The following DPP10 variants were observed in gnomAD, a reference collection of about 807,000 sequenced individuals.
DPP10 encodes the protein dipeptidyl peptidase like 10, also known as inactive dipeptidyl peptidase 10.
Under a neutral mutation model 120.9 loss-of-function variants are expected in DPP10, and 33 were observed. That is an observed-to-expected ratio of 0.27 (90% confidence interval 0.21 to 0.37). The LOEUF is 0.37. Ranked by LOEUF, DPP10 falls within the 10% of genes least tolerant of loss-of-function variation. DPP10 has a pLI of 1.00. For synonymous variants in DPP10, 337 were observed against 326.1 expected (o/e 1.03, Z -0.36); for missense variants, 816 against 942.8 (o/e 0.87, Z 1.76).
rs890388036 is a variant in DPP10, at chr2:114,973,361, T to C, written c.61-335878T>C. Among the ~76,000 whole-genome samples the C allele has an allele frequency of 5.3e-5, 8 of 151,184 alleles. No homozygotes were observed. In the East Asian group the frequency reaches 1.6e-3, roughly 29 times the overall value. ...TATTTTAGTGTGTACTCCTACTTAT[T>C]AAAAAAAAGTTAACTGTAGGCCGGG... On this transcript the variant is annotated intron_variant, in intron 1 of 25. Transcript: ENST00000410059.
intron 1 of DPP10, among the ~76,000 whole-genome samples, chr2:115,209,893 ATATCT>A (rs1341627762): frequency 3.3e-5 from 5 of 152,250 alleles, no homozygotes; most frequent in East Asian, 1.9e-4. Context: ...CATTTCTATA[ATATCT>A]TAAGTAGGCC....
intron 2 of DPP10, 27 bp downstream of exon 2, chr2:115,309,380 G>A: frequency 6.3e-7 from 1 of 1,595,220 alleles, no homozygotes; most frequent in Non-Finnish European, 8.6e-7. Flanking sequence ...CCTCTCTTAT[G>A]ATGGATGGTA....
chr2:115,407,881 GTA>G (rs2068643206), intron 3 of DPP10, among the ~76,000 whole-genome samples: 2 of 149,552 alleles, frequency 1.3e-5, no homozygotes, highest in African/African-American at 4.9e-5. Context: ...GAAAAAAAAA[GTA>G]GTCATTTTTT....
intron 1 of DPP10, among the ~76,000 whole-genome samples, chr2:115,190,308 G>A (rs78608152): frequency 0.014 from 2,088 of 151,948 alleles, 51 homozygotes; most frequent in African/African-American, 0.049. Context: ...GTAAACATGG[G>A]GGTCAAAGGA....
intron 1 of DPP10, among the ~76,000 whole-genome samples, chr2:114,817,432 C>T (rs1376337370): frequency 1.3e-5 from 2 of 152,128 alleles, no homozygotes; most frequent in African/African-American, 4.8e-5. Flanking sequence ...ACCCTGGGTC[C>T]AGCAACAGTT....
At chr2:115,010,240 T>C (rs1178562112) in intron 1 of DPP10, among the ~76,000 whole-genome samples, 1 of 152,166 alleles carries the variant, frequency 6.6e-6, no homozygotes, top group African/African-American at 2.4e-5. Context: ...TTCCTGCTGG[T>C]GGATAATAAC....
At chr2:114,643,933 ATAT>A (rs1227478191) in intron 1 of DPP10, among the ~76,000 whole-genome samples, 3 of 133,836 alleles carry the variant, frequency 2.2e-5, no homozygotes, top group African/African-American at 9.0e-5. Context: ...ATATATATAT[ATAT>A]TTTTTTTTTT....
intron 1 of DPP10, among the ~76,000 whole-genome samples, chr2:114,580,024 C>T (rs906629221): frequency 3.3e-5 from 5 of 152,128 alleles, no homozygotes; most frequent in Non-Finnish European, 5.9e-5. Flanking sequence ...AAATTCCTTC[C>T]CTTGTAGGTC....
chr2:115,633,759 C>A (rs2086090290), intron 5 of DPP10, among the ~76,000 whole-genome samples: 1 of 151,960 alleles, frequency 6.6e-6, no homozygotes, highest in African/African-American at 2.4e-5. Context: ...GATTATGTGT[C>A]TTGGGGTTGA....
At position 115,676,909 on chromosome 2, in the gene DPP10, G is replaced by C. The variant is rs563812530; in HGVS notation, c.442-12778G>C. 5.6e-4 allele frequency among the ~76,000 whole-genome samples: 86 copies of C among 152,250 alleles called. 1 individual carries two copies. Among genetic ancestry groups the C allele is most frequent in the African/African-American group, 2.0e-3 (83 of 41,564 alleles). On this transcript the variant is annotated intron_variant, in intron 5 of 25. Coordinates refer to ENST00000410059, the MANE Select transcript of DPP10 (RefSeq NM_020868.6). ...CAATAAATAACTATCACAAGATAAA[G>C]AGAGACTTCTAAAAACAGCAAGAGG...
intron 1 of DPP10, among the ~76,000 whole-genome samples, chr2:114,989,985 T>C (rs1282176426): frequency 6.6e-6 from 1 of 152,204 alleles, no homozygotes; most frequent in East Asian, 1.9e-4. Context: ...TTTCCTTAAC[T>C]TGCCATATAT....
chr2:114,934,289 G>A (rs1574515527), intron 1 of DPP10, among the ~76,000 whole-genome samples: 1 of 152,132 alleles, frequency 6.6e-6, no homozygotes, highest in African/African-American at 2.4e-5. Flanking sequence ...TTGACTGGAA[G>A]CCTTACCAAT....
intron 1 of DPP10, among the ~76,000 whole-genome samples, chr2:115,100,625 G>C (rs949626939): frequency 2.0e-4 from 30 of 152,132 alleles, no homozygotes; most frequent in African/African-American, 6.7e-4. Context: ...TGGCAGCTTA[G>C]GTATCCAAAG....
intron 13 of DPP10, among the ~76,000 whole-genome samples, chr2:115,772,175 C>T (rs2149827493): frequency 6.6e-6 from 1 of 152,172 alleles, no homozygotes; most frequent in East Asian, 1.9e-4. Flanking sequence ...TAAATGCACA[C>T]TTTTCCCACA....
chr2:115,111,748 A>C (rs1490174425), intron 1 of DPP10, among the ~76,000 whole-genome samples: 6 of 152,180 alleles, frequency 3.9e-5, no homozygotes, highest in Non-Finnish European at 8.8e-5. Flanking sequence ...ATGTAATAGG[A>C]TCCATCCAGA....
chr2:115,454,260 C>T (rs897279778), intron 3 of DPP10, among the ~76,000 whole-genome samples: 1 of 151,460 alleles, frequency 6.6e-6, no homozygotes, highest in Non-Finnish European at 1.5e-5. Flanking sequence ...CACAAGGAAA[C>T]ACAACCAAAC....
chr2:115,684,472 A>G (rs967517965), intron 5 of DPP10, among the ~76,000 whole-genome samples: 2 of 151,928 alleles, frequency 1.3e-5, no homozygotes, highest in African/African-American at 4.8e-5. Context: ...CTTTCCTCTT[A>G]CCGGCATTTT....
At chr2:115,433,279 G>A (rs1355020559) in intron 3 of DPP10, among the ~76,000 whole-genome samples, 1 of 151,904 alleles carries the variant, frequency 6.6e-6, no homozygotes, top group Non-Finnish European at 1.5e-5. Context: ...TCAATATTAT[G>A]GATTGTGATT....
At chr2:115,383,375 C>T (rs2066574689) in intron 3 of DPP10, among the ~76,000 whole-genome samples, 1 of 152,222 alleles carries the variant, frequency 6.6e-6, no homozygotes, top group Non-Finnish European at 1.5e-5. Flanking sequence ...CTTTCACTTT[C>T]TGCCATGATT....
Sources: allele counts gnomAD v4.1 joint callset (sites outside exome capture counted in the v4.1 genomes callset), GRCh38; gene constraint gnomAD v4.1.1; transcripts MANE v1.5; gene names NCBI Gene and HGNC (gene_info 2026-07-23, HGNC 2026-07-21).